TUT4: variants seen among roughly 807,000 people sequenced by gnomAD.
The protein encoded by TUT4 is terminal uridylyltransferase 4.
Under a neutral mutation model 192.2 loss-of-function variants are expected in TUT4, and 36 were observed. That is an observed-to-expected ratio of 0.19 (90% CI 0.14 to 0.25). The LOEUF is 0.25. TUT4 is among the 10% of genes least tolerant of loss of function. TUT4 has a pLI of 1.00. For synonymous variants in TUT4, 618 were observed against 666.0 expected (o/e 0.93, Z 1.11); for missense variants, 1,493 against 1,957.2 (o/e 0.76, Z 4.47).
chr1:52,529,700 T>C (rs1043590526), intron 1 of TUT4: 1 of 152,222 alleles, frequency 6.6e-6, no homozygotes, highest in South Asian at 2.1e-4. Context: ...TAAAAAATAC[T>C]CCATAAATCA....
chr1:52,521,371 A>C (rs980332979), intron 2 of TUT4, among the ~76,000 whole-genome samples: 8 of 152,226 alleles, frequency 5.3e-5, no homozygotes, highest in African/African-American at 1.9e-4. Flanking sequence ...AAGTCCAAAT[A>C]GATAATGATC....
At chr1:52,505,524 C>T (rs180713817) in intron 4 of TUT4, among the ~76,000 whole-genome samples, 3 of 147,812 alleles carry the variant, frequency 2.0e-5, no homozygotes, top group African/African-American at 5.1e-5. Context: ...GGGATTCAAG[C>T]GATTCTCCTG....
At chr1:52,533,548 G>A (rs1684057358) in intron 1 of TUT4, among the ~76,000 whole-genome samples, 1 of 152,126 alleles carries the variant, frequency 6.6e-6, no homozygotes, top group South Asian at 2.1e-4. Context: ...TCGTTATACT[G>A]AGAGTTCCTT....
At chr1:52,441,771 G>C (rs1655664114) in intron 24 of TUT4, among the ~76,000 whole-genome samples, 1 of 151,876 alleles carries the variant, frequency 6.6e-6, no homozygotes, top group South Asian at 2.1e-4. Context: ...TTTTCCATTA[G>C]TGTACAGCTA....
intron 1 of TUT4, among the ~76,000 whole-genome samples, chr1:52,533,951 GT>G (rs1406681299): frequency 6.6e-6 from 1 of 152,142 alleles, no homozygotes; most frequent in East Asian, 1.9e-4. Context: ...GTGCAACAGT[GT>G]GCGACTCAGT....
rs1467796255 is a variant in TUT4 at position 52,472,915 on chromosome 1, A to C, written c.2728-813T>G. Among the ~76,000 whole-genome samples, 3 of 152,138 alleles carry C rather than the reference A, an allele frequency of 2.0e-5. 1 individual carries two copies. The highest frequency in any genetic ancestry group is 4.4e-5 in the Non-Finnish European group (3 of 67,986). The stretch of plus-strand genomic sequence containing the variant: ...CATTTATATAGCCATAAATTCTGAT[A>C]CAAATTATATAAGGAAATCTCTCTT... On this transcript the variant is annotated intron_variant, in intron 13 of 29. Transcript: ENST00000257177.
At chr1:52,496,776 A>G (rs566681444) in intron 5 of TUT4, among the ~76,000 whole-genome samples, 1 of 152,248 alleles carries the variant, frequency 6.6e-6, no homozygotes, top group African/African-American at 2.4e-5. Flanking sequence ...AAATAGTTCT[A>G]CATCTGGCAT....
chr1:52,423,609 C>A lies in TUT4; in HGVS notation c.*326G>T. ...TTTTAAATTCTCTCTTTATACAATT[C>A]ATCAAGGTTAAACAAAACATAAAAT... On this transcript the variant is annotated 3_prime_UTR_variant, in exon 30 of 30. Transcript: ENST00000257177. 2.7e-6 allele frequency: 1 copy of A among 368,646 alleles called. No individual in the cohort carries two copies. Among genetic ancestry groups the A allele is most frequent in the Non-Finnish European group, 5.1e-6 (1 of 197,424 alleles). The allele number at this position is 368,646 out of a possible 1,614,324, so 22.8% of individuals were successfully genotyped here.
intron 1 of TUT4, among the ~76,000 whole-genome samples, chr1:52,536,966 C>A (rs1198041062): frequency 6.6e-6 from 1 of 152,272 alleles, no homozygotes; most frequent in Middle Eastern, 3.4e-3. Flanking sequence ...GAGATCGAGA[C>A]CACCCTGGCT....
At chr1:52,539,480 T>C (rs1207146902) in intron 1 of TUT4, among the ~76,000 whole-genome samples, 1 of 152,126 alleles carries the variant, frequency 6.6e-6, no homozygotes, top group African/African-American at 2.4e-5. Context: ...ACTATGGATA[T>C]AATTTCCTGG....
At chr1:52,446,236 T>C (rs752534187) in intron 22 of TUT4, 29 bp downstream of exon 22, 1 of 1,585,504 alleles carries the variant, frequency 6.3e-7, no homozygotes, top group Non-Finnish European at 8.5e-7. Context: ...TTTTGGTTGC[T>C]CCTGAATTAA....
intron 16 of TUT4, chr1:52,463,800 G>GTT: frequency 1.5e-6 from 2 of 1,303,900 alleles, no homozygotes; most frequent in African/African-American, 3.0e-5. Context: ...AAAGGAAAGC[G>GTT]TAAGTACCCA....
At position 52,429,177 on chromosome 1, in the gene TUT4, G is replaced by A. The variant is rs1034740863; in HGVS notation, c.4711+1836C>T. On this transcript the variant is annotated intron_variant, in intron 28 of 29. Coordinates refer to ENST00000257177, the MANE Select transcript of TUT4 (RefSeq NM_001009881.3). ...CGGCTCACTGCAAGTTCTGCCTCCCGGGTTCACACCATCCTCCTGCCTCAG... is the reference window on the plus strand; with the variant it reads ...CGGCTCACTGCAAGTTCTGCCTCCCAGGTTCACACCATCCTCCTGCCTCAG... Among the ~76,000 whole-genome samples the A allele has an allele frequency of 1.4e-4, 20 of 144,808 alleles. 1 individual carries two copies. The highest frequency in any genetic ancestry group is 3.6e-4 in the African/African-American group (14 of 38,804). The allele number at this position is 144,808 out of a possible 152,430, so 95.0% of individuals were successfully genotyped here.
intron 21 of TUT4, 23 bp from the exon 22 acceptor site, chr1:52,446,465 A>T (rs1657552392): frequency 6.3e-7 from 1 of 1,576,296 alleles, no homozygotes; most frequent in Admixed American, 2.1e-5. Context: ...AAAAAAAGAA[A>T]AGAACAATGT....
At position 52,449,196 on chromosome 1, in the gene TUT4, T is replaced by C. The variant is rs968067211; in HGVS notation, c.3436-2529A>G. On this transcript the variant is annotated intron_variant, in intron 20 of 29. Coordinates refer to ENST00000257177, the MANE Select transcript of TUT4 (RefSeq NM_001009881.3). ...CCCTCTAAACAAGTCAATCATATTA[T>C]AAGGATCACCAAATAAGTCAATCAT... Among the ~76,000 whole-genome samples, 2 of 152,200 alleles carry C rather than the reference T, an allele frequency of 1.3e-5. 1 individual carries two copies. The highest frequency in any genetic ancestry group is 4.8e-5 in the African/African-American group (2 of 41,456).
chr1:52,486,277 G>A (rs1318827078), intron 9 of TUT4, among the ~76,000 whole-genome samples: 2 of 151,980 alleles, frequency 1.3e-5, no homozygotes, highest in South Asian at 2.1e-4. Flanking sequence ...CATTAACCAC[G>A]ACAAGTGGCT....
intron 4 of TUT4, among the ~76,000 whole-genome samples, chr1:52,498,799 A>C (rs1017473129): frequency 1.3e-5 from 2 of 148,936 alleles, no homozygotes; most frequent in African/African-American, 2.5e-5. Context: ...AGACAGGAGA[A>C]TCGTTTCAAC....
chr1:52,480,103 T>C (rs78404963), intron 11 of TUT4, among the ~76,000 whole-genome samples: 1,535 of 151,556 alleles, frequency 0.01, 23 homozygotes, highest in African/African-American at 0.036. Flanking sequence ...TGGCTGGAGA[T>C]TTGAATTTGA....
At position 52,461,898 on chromosome 1, in the gene TUT4, A is replaced by G. The variant is rs149555835; in HGVS notation, c.3070-129T>C. The G allele has an allele frequency of 3.7e-3, 2,164 of 585,740 alleles. 10 individuals are homozygous for G. The highest frequency in any genetic ancestry group is 5.4e-3 in the Non-Finnish European group (1,807 of 336,876). The allele number at this position is 585,740 out of a possible 1,614,324, so 36.3% of individuals were successfully genotyped here. A position where few individuals can be genotyped will look rare whatever the true frequency, so the allele number is the denominator to read the frequency against. On this transcript the variant is annotated intron_variant, in intron 16 of 29. Transcript: ENST00000257177. Reference sequence around the variant, plus strand: ...AGCTCTATAATAACCTTGCTACTCCAAGTAAGTGATTCATAGACCTACAGT... The same window carrying G: ...AGCTCTATAATAACCTTGCTACTCCGAGTAAGTGATTCATAGACCTACAGT...
Sources: allele counts gnomAD v4.1 joint callset (sites outside exome capture counted in the v4.1 genomes callset), GRCh38; gene constraint gnomAD v4.1.1; transcripts MANE v1.5; gene names NCBI Gene and HGNC (gene_info 2026-07-23, HGNC 2026-07-21).